The following LRRC47 variants were observed in gnomAD, a reference collection of about 807,000 sequenced individuals.
The protein encoded by LRRC47 is leucine-rich repeat-containing protein 47.
LRRC47 carries 31 observed loss-of-function variants against 40.9 expected under a neutral mutation model. That is an observed-to-expected ratio of 0.76 (90% CI 0.57 to 1.02). The LOEUF (loss-of-function observed/expected upper bound fraction) is 1.02, where lower values mean the gene tolerates loss of function less well. Ranked by LOEUF, LRRC47 falls within the 50% of genes least tolerant of loss-of-function variation. The pLI, the probability that LRRC47 is intolerant of heterozygous loss-of-function variation, is 0.00. For missense variants in LRRC47, 726 were observed against 796.1 expected (o/e 0.91, Z 1.06); for synonymous variants, 427 against 371.9 (o/e 1.15, Z -1.70).
chr1:3,792,923 A>G (rs7513053), intron 1 of LRRC47, among the ~76,000 whole-genome samples: 32,591 of 152,160 alleles, frequency 0.21, 3,950 homozygotes, highest in Middle Eastern at 0.28. Context: ...GGAGTAGACC[A>G]TGCTGTATCC....
chr1:3,795,105 T>G (rs1307588997), intron 1 of LRRC47, among the ~76,000 whole-genome samples: 1 of 93,608 alleles, frequency 1.1e-5, no homozygotes, highest in African/African-American at 4.3e-5. Context: ...AGACGAAAAA[T>G]GGGGGAAGAA....
rs1444088549 is a variant in LRRC47 at position 3,786,948 on chromosome 1, G to A, written c.978C>T (p.Ser326=). The A allele has an allele frequency of 3.1e-6, 5 of 1,609,736 alleles. No homozygotes were observed. The highest frequency in any genetic ancestry group is 2.7e-5 in the African/African-American group (2 of 74,824). ...ENPVPLTVRV[S]PEVRDVRPYI... The stretch of plus-strand genomic sequence containing the variant: ...AGGGCCGCACATCCCGGACCTCGGG[G>A]CTCACTCTGACTGTCAGAGGTACGG... Residue 326 remains serine (S), a synonymous_variant, in exon 2 of 7, where the codon AGC becomes AGT. Transcript: ENST00000378251.
chr1:3,789,237 G>C (rs1643605023), intron 1 of LRRC47, among the ~76,000 whole-genome samples: 1 of 152,270 alleles, frequency 6.6e-6, no homozygotes, highest in Non-Finnish European at 1.5e-5. Flanking sequence ...TCCAGCGTTA[G>C]AACCAGCCTG....
Position 3,796,031 on chromosome 1 carries a change from G to C in LRRC47, c.446C>G (p.Ala149Gly), listed in dbSNP as rs1643672284. 3 of 1,545,600 alleles carry C rather than the reference G, an allele frequency of 1.9e-6. No homozygotes were observed. Among genetic ancestry groups the C allele is most frequent in the African/African-American group, 2.8e-5 (2 of 72,642 alleles). Residue 149 changes from alanine to glycine, a missense_variant, in exon 1 of 7, where the codon GCG (alanine) becomes GGG (glycine). Ala to Gly is a moderately conservative substitution (Grantham distance 60). Transcript: ENST00000378251. ...GCTCTGCAGGCGCGGGGCGCAGCGC[G>C]CCAGGTCGGCTGGCAGCTCGCGCAG... Reference protein sequence around the residue: ...NRLRELPADLARCAPRLQSLN... With the variant: ...NRLRELPADLGRCAPRLQSLN...
At chr1:3,790,786 T>C (rs2124613867) in intron 1 of LRRC47, among the ~76,000 whole-genome samples, 1 of 152,236 alleles carries the variant, frequency 6.6e-6, no homozygotes, top group Middle Eastern at 3.4e-3. Context: ...AGCCCAGGCT[T>C]GGGGGTGCTC....
chr1:3,781,245 GGAA>G lies in LRRC47; in HGVS notation c.1592_1594del (p.Leu531del). On this transcript the variant is annotated inframe_deletion, in exon 7 of 7. Transcript: ENST00000378251. ...AGCACTGGGATTCGTTGTGGGATCTGGAAGTTGTCCAGAGACTGCATCGGCTTC... is the reference window on the plus strand; with the variant it reads ...AGCACTGGGATTCGTTGTGGGATCTGGTTGTCCAGAGACTGCATCGGCTTC... 6.2e-7 allele frequency: 1 copy of G among 1,614,228 alleles called. No homozygotes were observed. The highest frequency in any genetic ancestry group is 1.1e-5 in the South Asian group (1 of 91,090).
Position 3,786,866 on chromosome 1 carries a change from G to A in LRRC47, c.1060C>T (p.Arg354Cys), listed in dbSNP as rs151150139. The change falls in exon 2 of 7, where the codon CGC (arginine) becomes TGC (cysteine). Residue 354 changes from arginine (R) to cysteine (C), a missense_variant. Coordinates refer to ENST00000378251, the MANE Select transcript of LRRC47 (RefSeq NM_020710.3). ...GCACCCACCTGCGAGGTGAGGAAGC[G>A]CTTGAGTGCATTCCCTGGCTGCAGG... is the stretch of plus-strand genomic sequence containing the variant. The part of the protein sequence containing the change: ...MDLQPGNALK[R>C]FLTSQTKLHE... 136 of 1,597,310 alleles carry A rather than the reference G, an allele frequency of 8.5e-5. No individual in the cohort carries two copies. Among genetic ancestry groups the A allele is most frequent in the Non-Finnish European group, 1.0e-4 (121 of 1,171,324 alleles).
intron 2 of LRRC47, among the ~76,000 whole-genome samples, chr1:3,785,781 A>G (rs1000960846): frequency 3.9e-5 from 6 of 152,258 alleles, no homozygotes; most frequent in Non-Finnish European, 8.8e-5. Flanking sequence ...TGATGACTTT[A>G]ATACTGTCTT....
chr1:3,795,739 A>G (rs1643667236), intron 1 of LRRC47, 123 bp downstream of exon 1: 2 of 1,283,284 alleles, frequency 1.6e-6, no homozygotes, highest in Non-Finnish European at 1.0e-6. Flanking sequence ...TCAGCCTTGT[A>G]GGAATTCCCT....
intron 4 of LRRC47, 112 bp downstream of exon 4, chr1:3,783,884 T>C: frequency 1.3e-6 from 1 of 799,458 alleles, no homozygotes; most frequent in South Asian, 1.7e-5. Context: ...TTAAGAAGCT[T>C]CTGGGTTCTG....
rs942133153 is a variant in LRRC47 at position 3,796,086 on chromosome 1, G to A, written c.391C>T (p.Leu131=). ...TTGCCGCTGAGGTTGAGGCTCTGCA[G>A]CTGCGGAAGGCCCGGCGGCTCGGCG... is the stretch of plus-strand genomic sequence containing the variant. ...GPAEPPGLPQ[L]QSLNLSGNRL... is the part of the protein sequence containing the mutation. The change falls in exon 1 of 7, where the codon CTG becomes TTG. Residue 131 remains leucine, a synonymous_variant. Coordinates refer to ENST00000378251, the MANE Select transcript of LRRC47 (RefSeq NM_020710.3). 2.0e-6 allele frequency: 3 copies of A among 1,492,076 alleles called. No individual in the cohort carries two copies. The African/African-American group carries it at 4.4e-5, about 22-fold the overall frequency. The allele number at this position is 1,492,076 out of a possible 1,614,324, so 92.4% of individuals were successfully genotyped here. A position where few individuals can be genotyped will look rare whatever the true frequency, so the allele number is the denominator to read the frequency against.
At position 3,780,378 on chromosome 1, in the gene LRRC47, C is replaced by T. The variant is rs754520410; in HGVS notation, c.*710G>A. ...ACACTGCACGAGAATATTGTGGATC[C>T]GCTGTCAGGTAAGTGTCCGTCACTG... On this transcript the variant is annotated 3_prime_UTR_variant, in exon 7 of 7. Transcript: ENST00000378251. The T allele has an allele frequency of 2.0e-5, 3 of 152,104 alleles. No homozygotes were observed. The highest frequency in any genetic ancestry group is 6.5e-5 in the Admixed American group (1 of 15,270). 9.4% of individuals were successfully genotyped at this position (152,104 alleles called of 1,614,324 possible).
chr1:3,793,690 T>G (rs1423887442), intron 1 of LRRC47, among the ~76,000 whole-genome samples: 2 of 151,866 alleles, frequency 1.3e-5, no homozygotes, highest in East Asian at 3.9e-4. Flanking sequence ...CTTTTCAGGG[T>G]TTTTGCATGT....
intron 5 of LRRC47, 83 bp from the exon 6 acceptor site, chr1:3,781,684 C>A: frequency 1.7e-6 from 2 of 1,168,080 alleles, no homozygotes; most frequent in Non-Finnish European, 1.2e-6. Flanking sequence ...CAGGAAAAAT[C>A]TACAAAACTG....
chr1:3,793,006 T>C (rs1198765257), intron 1 of LRRC47, among the ~76,000 whole-genome samples: 1 of 152,176 alleles, frequency 6.6e-6, no homozygotes, highest in Non-Finnish European at 1.5e-5. Context: ...AACTCGCCTC[T>C]TCCAGGAAAT....
intron 4 of LRRC47, 136 bp from the exon 5 acceptor site, chr1:3,782,899 G>T: frequency 1.5e-6 from 1 of 659,320 alleles, no homozygotes; most frequent in Admixed American, 2.2e-5. Context: ...GTTGGCTGGG[G>T]TGTGCTGTGC....
At chr1:3,785,014 CTGCAG>C in intron 3 of LRRC47, 68 bp downstream of exon 3, 1 of 1,189,636 alleles carries the variant, frequency 8.4e-7, no homozygotes, top group East Asian at 2.8e-5. Context: ...AAAGTTCGGG[CTGCAG>C]TAGCAGCATG....
rs779333919 is a variant in LRRC47 at position 3,787,013 on chromosome 1, C to T, written c.913G>A (p.Gly305Ser). 4.8e-5 allele frequency: 78 copies of T among 1,611,514 alleles called. No individual in the cohort carries two copies. The East Asian group carries it at 1.3e-3, about 27-fold the overall frequency. ...DGEEQDVGDA[G>S]RLLLRVLHVS... The stretch of plus-strand genomic sequence containing the variant: ...TGCAGGACCCTGAGCAGCAGCCGGC[C>T]GGCATCTCCCACGTCCTGCTCCTCC... The change falls in exon 2 of 7, where the codon GGC becomes AGC. Residue 305 changes from glycine (G) to serine (S), a missense_variant. Gly to Ser is a moderately conservative substitution (Grantham distance 56, BLOSUM62 0). Coordinates refer to ENST00000378251, the MANE Select transcript of LRRC47 (RefSeq NM_020710.3).
At chr1:3,789,251 C>A (rs1435681667) in intron 1 of LRRC47, among the ~76,000 whole-genome samples, 1 of 152,266 alleles carries the variant, frequency 6.6e-6, no homozygotes, top group Non-Finnish European at 1.5e-5. Context: ...CAGCCTGGGC[C>A]ACCAGCCCAG....
Sources: gnomAD v4.1 joint callset for allele counts (sites outside exome capture counted in the v4.1 genomes callset) on GRCh38, gnomAD v4.1.1 for gene constraint, MANE v1.5 for transcripts, NCBI Gene and HGNC (gene_info 2026-07-23, HGNC 2026-07-21) for gene names.